Variants in AK9 observed in about 807,000 individuals in gnomAD.
AK9 encodes the protein adenylate kinase domain containing 1.
Under a neutral mutation model 239.6 loss-of-function variants are expected in AK9, and 191 were observed. The ratio of observed to expected loss-of-function variants is 0.80; its 90% confidence interval spans 0.71 to 0.90. The LOEUF is 0.90. Among genes scored for constraint, AK9 ranks in the 40% least tolerant of loss-of-function variants. The pLI, the probability that AK9 is intolerant of heterozygous loss-of-function variation, is 0.00. For missense variants in AK9, 1,995 were observed against 2,214.7 expected (o/e 0.90, Z 1.99); for synonymous variants, 689 against 721.0 (o/e 0.96, Z 0.71).
At chr6:109,611,190 G>A (rs976110156) in intron 16 of AK9, among the ~76,000 whole-genome samples, 1 of 152,288 alleles carries the variant, frequency 6.6e-6, no homozygotes, top group East Asian at 1.9e-4. Flanking sequence ...TCTAGCTGGA[G>A]CCAGACTGAT....
At chr6:109,672,289 C>T (rs1562592693) in intron 3 of AK9, 122 bp from the exon 4 acceptor site, 2 of 896,204 alleles carry the variant, frequency 2.2e-6, no homozygotes, top group Non-Finnish European at 1.7e-6. Context: ...TTATAATTTA[C>T]AATGCAAATG....
At chr6:109,578,555 C>A (rs1379892533) in intron 20 of AK9, among the ~76,000 whole-genome samples, 1 of 150,922 alleles carries the variant, frequency 6.6e-6, no homozygotes, top group Non-Finnish European at 1.5e-5. Flanking sequence ...TATTTCTTTT[C>A]TTCTGTTTTG....
At chr6:109,660,831 C>G in intron 6 of AK9, 1 of 352,072 alleles carries the variant, frequency 2.8e-6, no homozygotes, top group East Asian at 6.5e-5. Flanking sequence ...TGGGGTAGGG[C>G]CTGAGAATTT....
intron 16 of AK9, among the ~76,000 whole-genome samples, chr6:109,611,256 T>C (rs1793546588): frequency 6.6e-6 from 1 of 152,114 alleles, no homozygotes; most frequent in South Asian, 2.1e-4. Flanking sequence ...CTGCCCTCCC[T>C]GCCTGAAAGT....
intron 25 of AK9, among the ~76,000 whole-genome samples, chr6:109,548,962 AT>A (rs1289891882): frequency 6.6e-6 from 1 of 152,154 alleles, no homozygotes; most frequent in East Asian, 1.9e-4. Flanking sequence ...CAACAGCTTT[AT>A]TTTTTTGAGG....
chr6:109,500,509 T>C (rs1485488293), intron 35 of AK9, among the ~76,000 whole-genome samples: 2 of 152,224 alleles, frequency 1.3e-5, no homozygotes, highest in Non-Finnish European at 2.9e-5. Context: ...TAGTTGTCGT[T>C]TTACCAAGGC....
intron 10 of AK9, among the ~76,000 whole-genome samples, chr6:109,640,903 T>C (rs1034688713): frequency 7.9e-5 from 12 of 152,086 alleles, no homozygotes; most frequent in Admixed American, 2.0e-4. Flanking sequence ...ATTAAAGAAA[T>C]AGAGTTAAGA....
chr6:109,533,626 GA>G (rs947463224), intron 27 of AK9, among the ~76,000 whole-genome samples, 156 bp from the exon 28 acceptor site: 22 of 151,076 alleles, frequency 1.5e-4, no homozygotes, highest in African/African-American at 3.6e-4. Flanking sequence ...TATTTTAAAA[GA>G]AAAAAATACA....
rs546040991 is a variant in AK9 at position 109,673,664 on chromosome 6, C to T, written c.181+534G>A. ...GTTCCTAAGAAAAGCTGTGAGAGTT[C>T]CATCTCATTTGAGCTTTCATAAAAA... On this transcript the variant is annotated intron_variant, in intron 3 of 40. Transcript: ENST00000424296. 2.6e-5 allele frequency among the ~76,000 whole-genome samples: 4 copies of T among 152,130 alleles called. No homozygotes were observed. In the East Asian group the frequency reaches 7.7e-4, roughly 29 times the overall value.
intron 26 of AK9, among the ~76,000 whole-genome samples, chr6:109,543,748 C>T (rs9398205): frequency 0.086 from 13,058 of 151,852 alleles, 914 homozygotes; most frequent in African/African-American, 0.19. Flanking sequence ...GTGCCTGTCC[C>T]GATATACATT....
intron 1 of AK9, among the ~76,000 whole-genome samples, chr6:109,686,640 T>C (rs1431692370): frequency 2.0e-5 from 3 of 152,342 alleles, no homozygotes; most frequent in East Asian, 3.9e-4. Context: ...TAAGGATACC[T>C]TCTGGAGTCT....
At chr6:109,686,009 T>C (rs931493298) in intron 1 of AK9, among the ~76,000 whole-genome samples, 1 of 152,210 alleles carries the variant, frequency 6.6e-6, no homozygotes, top group Non-Finnish European at 1.5e-5. Context: ...CACAGTCTCT[T>C]GTATTTTTTA....
intron 1 of AK9, among the ~76,000 whole-genome samples, chr6:109,687,421 G>T (rs1209661444): frequency 6.6e-6 from 1 of 152,216 alleles, no homozygotes; most frequent in Non-Finnish European, 1.5e-5. Flanking sequence ...AAAGGTGACA[G>T]AATGTCTGTC....
intron 3 of AK9, among the ~76,000 whole-genome samples, 177 bp downstream of exon 3, chr6:109,674,021 C>T (rs1771326390): frequency 6.6e-6 from 1 of 150,856 alleles, no homozygotes; most frequent in Non-Finnish European, 1.5e-5. Context: ...AAAACCCAAG[C>T]AGATAATATT....
intron 21 of AK9, among the ~76,000 whole-genome samples, chr6:109,572,897 C>T (rs1787605657): frequency 1.3e-5 from 2 of 152,140 alleles, no homozygotes; most frequent in South Asian, 4.1e-4. Flanking sequence ...CTATAGACTC[C>T]TTCTTGCCTT....
intron 1 of AK9, among the ~76,000 whole-genome samples, chr6:109,678,591 C>T (rs1052828421): frequency 6.6e-6 from 1 of 152,136 alleles, no homozygotes; most frequent in African/African-American, 2.4e-5. Flanking sequence ...CTACAGTTAT[C>T]TCAAAATGAA....
intron 1 of AK9, 121 bp from the exon 2 acceptor site, chr6:109,675,877 A>G: frequency 1.8e-6 from 1 of 555,060 alleles, no homozygotes; most frequent in Non-Finnish European, 3.2e-6. Context: ...CATTAAACAC[A>G]TGAATTTTGT....
intron 27 of AK9, among the ~76,000 whole-genome samples, chr6:109,536,262 T>C (rs1259408835): frequency 6.6e-6 from 1 of 152,200 alleles, no homozygotes; most frequent in Non-Finnish European, 1.5e-5. Flanking sequence ...TTCCATTTGT[T>C]TGTGTCCTCT....
chr6:109,624,013 T>C (rs976955105), intron 12 of AK9, among the ~76,000 whole-genome samples: 3 of 151,974 alleles, frequency 2.0e-5, no homozygotes, highest in African/African-American at 7.2e-5. Context: ...TTACTCACAA[T>C]TACGTAGAAC....
Sources: gnomAD v4.1 joint callset for allele counts (sites outside exome capture counted in the v4.1 genomes callset) on GRCh38, gnomAD v4.1.1 for gene constraint, MANE v1.5 for transcripts, NCBI Gene and HGNC (gene_info 2026-07-23, HGNC 2026-07-21) for gene names.